PCDHGB3: variants seen among roughly 807,000 people sequenced by gnomAD.
The protein encoded by PCDHGB3 is protocadherin gamma-B3.
A neutral mutation model predicts 59.2 loss-of-function variants in PCDHGB3; 40 were observed. The ratio of observed to expected loss-of-function variants is 0.68; its 90% CI spans 0.52 to 0.88. The LOEUF is 0.88. Ranked by LOEUF, PCDHGB3 falls within the 40% of genes least tolerant of loss-of-function variation. PCDHGB3 has a pLI of 0.00. For missense variants in PCDHGB3, 1,309 were observed against 1,187.9 expected (o/e 1.10, Z -1.50); for synonymous variants, 581 against 503.6 (o/e 1.15, Z -2.06).
At position 141,486,114 on chromosome 5, in the gene PCDHGB3, A is replaced by G; in HGVS notation, c.2416-8693A>G. On this transcript the variant is annotated intron_variant, in intron 1 of 3. Coordinates refer to ENST00000576222, the MANE Select transcript of PCDHGB3 (RefSeq NM_018924.5). This position sits in a 1 kb window ranked among gnomAD's most constrained non-coding sequence, Gnocchi z 5.0. ...GGGCCCCTAGACTTTGAGAGTGAGAATTACTATGAATTTGATGTGCGGGCT... is the reference window on the plus strand; with the variant it reads ...GGGCCCCTAGACTTTGAGAGTGAGAGTTACTATGAATTTGATGTGCGGGCT... 3 of 1,614,082 alleles carry G rather than the reference A, an allele frequency of 1.9e-6. No individual in the cohort carries two copies. Among genetic ancestry groups the G allele is most frequent in the South Asian group, 2.2e-5 (2 of 91,072 alleles).
chr5:141,497,237 T>C (rs933112169), intron 2 of PCDHGB3, among the ~76,000 whole-genome samples: 3 of 152,038 alleles, frequency 2.0e-5, no homozygotes, highest in Non-Finnish European at 4.4e-5. Context: ...AGAAGGCTTC[T>C]AGGAGGAGGT....
chr5:141,456,824 G>A (rs2098890304), intron 1 of PCDHGB3, among the ~76,000 whole-genome samples: 2 of 152,170 alleles, frequency 1.3e-5, no homozygotes, highest in South Asian at 2.1e-4. Context: ...ATTAGCCATC[G>A]TGGTAGTGGG....
At chr5:141,394,407 G>A in intron 1 of PCDHGB3, 1 of 1,614,240 alleles carries the variant, frequency 6.2e-7, no homozygotes, top group Admixed American at 1.7e-5. Context: ...GCAGCTACTG[G>A]TAACAGCCAG....
At position 141,432,718 on chromosome 5, in the gene PCDHGB3, T is replaced by C; in HGVS notation, c.2415+59909T>C. ...CCGTCCAGGACCACGGCCAGCCCCC[T>C]CTCTCCGCCACTGTCACGCTCACCG... On this transcript the variant is annotated intron_variant, in intron 1 of 3. Coordinates refer to ENST00000576222, the MANE Select transcript of PCDHGB3 (RefSeq NM_018924.5). This position sits in a 1 kb window ranked among gnomAD's most constrained non-coding sequence, Gnocchi z 6.0. 1 of 1,613,476 alleles carries C rather than the reference T, an allele frequency of 6.2e-7. No homozygotes were observed. The highest frequency in any genetic ancestry group is 8.5e-7 in the Non-Finnish European group (1 of 1,179,862).
intron 1 of PCDHGB3, among the ~76,000 whole-genome samples, chr5:141,444,472 C>T (rs559334960): frequency 2.1e-4 from 32 of 151,968 alleles, no homozygotes; most frequent in Admixed American, 1.5e-3. Flanking sequence ...CGCCCGGTCG[C>T]GTACTGGATT....
intron 1 of PCDHGB3, among the ~76,000 whole-genome samples, chr5:141,454,194 G>A (rs949915652): frequency 6.6e-5 from 10 of 152,304 alleles, no homozygotes; most frequent in Non-Finnish European, 4.4e-5. Context: ...CTTAGTGAAG[G>A]TGAATTTATT....
At chr5:141,458,632 C>T (rs779075931) in intron 1 of PCDHGB3, among the ~76,000 whole-genome samples, 1 of 151,898 alleles carries the variant, frequency 6.6e-6, no homozygotes, top group Non-Finnish European at 1.5e-5. Context: ...TGCAGTGGCA[C>T]AATCCCAGCT....
intron 1 of PCDHGB3, chr5:141,390,163 C>CG (rs780815400): frequency 1.2e-6 from 2 of 1,613,992 alleles, no homozygotes; most frequent in Admixed American, 1.7e-5. Context: ...ACAGGAAAGA[C>CG]GGAGTTTAAT....
In PCDHGB3 at chr5:141,477,041, C is replaced by A; in HGVS notation, c.2416-17766C>A. 3 of 1,614,242 alleles carry A rather than the reference C, an allele frequency of 1.9e-6. No individual in the cohort carries two copies. Among genetic ancestry groups the A allele is most frequent in the Admixed American group, 1.7e-5 (1 of 60,036 alleles). Reference sequence around the variant, plus strand: ...AACCGGGATGCTGACAATCAAGGGTCGGCTGGACTTCGAGGACACCAAACT... The same window carrying A: ...AACCGGGATGCTGACAATCAAGGGTAGGCTGGACTTCGAGGACACCAAACT... On this transcript the variant is annotated intron_variant, in intron 1 of 3. Transcript: ENST00000576222. The surrounding 1 kb of genome is among the most constrained non-coding windows in gnomAD (Gnocchi z 4.9).
chr5:141,476,264 G>T lies in PCDHGB3; in HGVS notation c.2416-18543G>T, dbSNP rs753184649. On this transcript the variant is annotated intron_variant, in intron 1 of 3. Coordinates refer to ENST00000576222, the MANE Select transcript of PCDHGB3 (RefSeq NM_018924.5). This position sits in a 1 kb window ranked among gnomAD's most constrained non-coding sequence, Gnocchi z 7.6. ...AGAGAAGGGTTTCGCTGTGGGCAAC[G>T]TGGTCGCGAACCTTGGTTTGGATCT... The T allele has an allele frequency of 5.0e-6, 8 of 1,613,964 alleles. No individual in the cohort carries two copies. In the African/African-American group the frequency reaches 8.0e-5, roughly 16 times the overall value.
At chr5:141,383,967 C>G in intron 1 of PCDHGB3, 1 of 1,613,458 alleles carries the variant, frequency 6.2e-7, no homozygotes, top group Non-Finnish European at 8.5e-7. Context: ...GTAGCTCAAT[C>G]CCTGAAGACA....
chr5:141,485,674 T>C lies in PCDHGB3; in HGVS notation c.2416-9133T>C. 1 of 1,612,986 alleles carries C rather than the reference T, an allele frequency of 6.2e-7. No homozygotes were observed. Among genetic ancestry groups the C allele is most frequent in the South Asian group, 1.1e-5 (1 of 91,072 alleles). Reference sequence around the variant, plus strand: ...ATGCAGATGTGGGGAGCAATTCGATTAGCAGCTATAGGCTGAGCTCCAATG... The same window carrying C: ...ATGCAGATGTGGGGAGCAATTCGATCAGCAGCTATAGGCTGAGCTCCAATG... On this transcript the variant is annotated intron_variant, in intron 1 of 3. Transcript: ENST00000576222. This position sits in a 1 kb window ranked among gnomAD's most constrained non-coding sequence, Gnocchi z 5.7.
chr5:141,413,981 C>A (rs563161887), intron 1 of PCDHGB3: 1 of 1,613,452 alleles, frequency 6.2e-7, no homozygotes, highest in Admixed American at 1.7e-5. Context: ...CTGACAGTCA[C>A]AGCCACCGAC....
chr5:141,423,169 C>T (rs747206648), intron 1 of PCDHGB3: 4 of 1,613,460 alleles, frequency 2.5e-6, no homozygotes, highest in Admixed American at 3.3e-5. Flanking sequence ...GGTGGCCGTC[C>T]AGGACCACGG....
chr5:141,491,327 T>C lies in PCDHGB3; in HGVS notation c.2416-3480T>C, dbSNP rs1422115943. ...TCAGACCTTACCCTTTACCTCATTG[T>C]GGCTCTAGCGACCGTCAGTCTCTTA... is the stretch of plus-strand genomic sequence containing the variant. On this transcript the variant is annotated intron_variant, in intron 1 of 3. Coordinates refer to ENST00000576222, the MANE Select transcript of PCDHGB3 (RefSeq NM_018924.5). This position sits in a 1 kb window ranked among gnomAD's most constrained non-coding sequence, Gnocchi z 6.9. 5.6e-6 allele frequency: 9 copies of C among 1,614,098 alleles called. No homozygotes were observed. Among genetic ancestry groups the C allele is most frequent in the Admixed American group, 3.3e-5 (2 of 60,006 alleles).
chr5:141,397,168 T>C (rs997043690), intron 1 of PCDHGB3, among the ~76,000 whole-genome samples: 3 of 152,202 alleles, frequency 2.0e-5, no homozygotes, highest in Non-Finnish European at 4.4e-5. Context: ...CCAATAACTC[T>C]TAAGAATGAA....
intron 1 of PCDHGB3, among the ~76,000 whole-genome samples, chr5:141,456,968 A>AAAAC (rs202005606): frequency 1.3e-4 from 20 of 152,282 alleles, no homozygotes; most frequent in Middle Eastern, 3.4e-3. Flanking sequence ...ATCTCAAAAC[A>AAAAC]AAACAAACAA....
In PCDHGB3 at chr5:141,490,996, G is replaced by A; in HGVS notation, c.2416-3811G>A. ...GCGTCTCCCTCGCTCTGCTCCTCCT[G>A]GCTCCTTGGTCACCAAGGTGACAGC... is the stretch of plus-strand genomic sequence containing the variant. On this transcript the variant is annotated intron_variant, in intron 1 of 3. Transcript: ENST00000576222. This position sits in a 1 kb window ranked among gnomAD's most constrained non-coding sequence, Gnocchi z 5.4. The A allele has an allele frequency of 6.2e-7, 1 of 1,614,090 alleles. No individual in the cohort carries two copies. The highest frequency in any genetic ancestry group is 8.5e-7 in the Non-Finnish European group (1 of 1,180,028).
At chr5:141,390,919 A>C (rs1254063856) in intron 1 of PCDHGB3, 1 of 152,550 alleles carries the variant, frequency 6.6e-6, no homozygotes, top group Non-Finnish European at 1.5e-5. Flanking sequence ...AAAAAGGTCT[A>C]CTATGCTCAT....
Sources: gnomAD v4.1 joint callset for allele counts (sites outside exome capture counted in the v4.1 genomes callset) on GRCh38, gnomAD v4.1.1 for gene constraint, Gnocchi (gnomAD v3.1) non-coding constraint, MANE v1.5 for transcripts, NCBI Gene and HGNC (gene_info 2026-07-23, HGNC 2026-07-21) for gene names.